Variants in CFLAR observed in about 807,000 individuals in gnomAD.
CFLAR encodes CASP8 and FADD like apoptosis regulator, also known as CASP8 and FADD-like apoptosis regulator.
In CFLAR, 14 loss-of-function variants were observed where a neutral mutation model predicts 51.1. The observed-to-expected ratio is 0.27, with a 90% CI of 0.18 to 0.43. The LOEUF (loss-of-function observed/expected upper bound fraction) is 0.43. Ranked by LOEUF, CFLAR falls within the 20% of genes least tolerant of loss-of-function variation. CFLAR has a pLI of 1.00. For missense variants in CFLAR, 390 were observed against 566.5 expected (o/e 0.69, Z 3.16); for synonymous variants, 210 against 211.6 (o/e 0.99, Z 0.06).
At chr2:201,157,770 C>G (rs1221718026) in intron 8 of CFLAR, 1 of 152,224 alleles carries the variant, frequency 6.6e-6, no homozygotes, top group Non-Finnish European at 1.5e-5. Context: ...TGATCCTGTA[C>G]GTTAGACTGG....
At chr2:201,144,666 G>A (rs1009001067) in intron 5 of CFLAR, among the ~76,000 whole-genome samples, 1 of 152,092 alleles carries the variant, frequency 6.6e-6, no homozygotes, top group Non-Finnish European at 1.5e-5. Flanking sequence ...CTAGAAATCC[G>A]ACTCTTAACC....
chr2:201,132,426 G>GAA (rs561568592), intron 2 of CFLAR, among the ~76,000 whole-genome samples: 94 of 137,968 alleles, frequency 6.8e-4, no homozygotes, highest in African/African-American at 2.2e-3. Flanking sequence ...CCTAGGGGGG[G>GAA]AAAAATATAT....
In CFLAR at chr2:201,116,592, C is replaced by CCCCGCGT. The variant is rs2047606455; in HGVS notation, c.-138+115_-138+121dup. The CCCCGCGT allele has an allele frequency of 6.5e-6, 1 of 153,398 alleles. No individual in the cohort carries two copies. The highest frequency in any genetic ancestry group is 2.1e-4 in the South Asian group (1 of 4,860). 9.5% of individuals were successfully genotyped at this position (153,398 alleles called of 1,614,324 possible). ...TTGCAGCAGGCCCTGCGCCGCCGCG[C>CCCCGCGT]CCCGCGTCCCACCCCGCGCCGCTCC... On this transcript the variant is annotated intron_variant, in intron 1 of 9. Coordinates refer to ENST00000309955, the MANE Select transcript of CFLAR (RefSeq NM_003879.7). The surrounding 1 kb of genome is among the most constrained non-coding windows in gnomAD (Gnocchi z 4.8).
chr2:201,159,244 C>CTT (rs1336089539), intron 8 of CFLAR, among the ~76,000 whole-genome samples: 1 of 151,956 alleles, frequency 6.6e-6, no homozygotes, highest in Non-Finnish European at 1.5e-5. Context: ...GTTAATGATG[C>CTT]TTATTGATTA....
rs2047846574 is a variant in CFLAR, at chr2:201,118,576, G to A, written c.-138+2095G>A. 6.6e-6 allele frequency: 1 copy of A among 152,368 alleles called. No individual in the cohort carries two copies. Among genetic ancestry groups the A allele is most frequent in the African/African-American group, 2.4e-5 (1 of 41,458 alleles). The allele number at this position is 152,368 out of a possible 1,614,324, so 9.4% of individuals were successfully genotyped here. On this transcript the variant is annotated intron_variant, in intron 1 of 9. Coordinates refer to ENST00000309955, the MANE Select transcript of CFLAR (RefSeq NM_003879.7). This position sits in a 1 kb window ranked among gnomAD's most constrained non-coding sequence, Gnocchi z 5.1. Reference sequence around the variant, plus strand: ...CGCATGGAGAATTTTACCACCCAGAGACACGCGAGTGGCCCTGTGCAAGTT... The same window carrying A: ...CGCATGGAGAATTTTACCACCCAGAAACACGCGAGTGGCCCTGTGCAAGTT...
chr2:201,166,481 G>A lies in CFLAR; in HGVS notation c.*2508G>A, dbSNP rs9277311. The A allele has an allele frequency of 0.46, 78,048 of 168,064 alleles. 18,632 individuals are homozygous for A. Among genetic ancestry groups the A allele is most frequent in the Non-Finnish European group, 0.51 (39,874 of 77,976 alleles). The allele number at this position is 168,064 out of a possible 1,614,324, so 10.4% of individuals were successfully genotyped here. A position where few individuals can be genotyped will look rare whatever the true frequency, so the allele number is the denominator to read the frequency against. ...CAGAGAAGCTCCTCACATCCCAGACGGGGGGGCGGGGCAGAGGCGCTCCCC... is the reference window on the plus strand; with the variant it reads ...CAGAGAAGCTCCTCACATCCCAGACAGGGGGGCGGGGCAGAGGCGCTCCCC... On this transcript the variant is annotated 3_prime_UTR_variant, in exon 10 of 10. Coordinates refer to ENST00000309955, the MANE Select transcript of CFLAR (RefSeq NM_003879.7).
In CFLAR at chr2:201,138,545, G is replaced by A. The variant is rs2050468344; in HGVS notation, c.524-1812G>A. 2 of 1,584,192 alleles carry A rather than the reference G, an allele frequency of 1.3e-6. No homozygotes were observed. Among genetic ancestry groups the A allele is most frequent in the African/African-American group, 1.3e-5 (1 of 74,520 alleles). ...TCATCACCTCACTGAGGAGGGTGGT[G>A]TGGTCCTTCTCAGCAAGAAAGTCGA... On this transcript the variant is annotated intron_variant, in intron 4 of 9. Coordinates refer to ENST00000309955, the MANE Select transcript of CFLAR (RefSeq NM_003879.7). This position sits in a 1 kb window ranked among gnomAD's most constrained non-coding sequence, Gnocchi z 4.0.
rs748074522 is a variant in CFLAR at position 201,175,017 on chromosome 2, C to T, written c.*11044C>T. The T allele has an allele frequency of 5.9e-5, 9 of 152,228 alleles. No homozygotes were observed. Among genetic ancestry groups the T allele is most frequent in the Non-Finnish European group, 1.0e-4 (7 of 68,038 alleles). 9.4% of individuals were successfully genotyped at this position (152,228 alleles called of 1,614,324 possible). On this transcript the variant is annotated 3_prime_UTR_variant, in exon 10 of 10. Coordinates refer to ENST00000309955, the MANE Select transcript of CFLAR (RefSeq NM_003879.7). ...TCTACAGCACCATGATAGTTTACAA[C>T]TGCCATAGCAACTTTCAGAAGTTAC...
intron 1 of CFLAR, among the ~76,000 whole-genome samples, chr2:201,117,326 T>G (rs1177324922): frequency 2.0e-5 from 3 of 152,178 alleles, no homozygotes; most frequent in Non-Finnish European, 4.4e-5. Context: ...GGCTTCAAGA[T>G]GTTCTTGCTT....
rs1943669246 is a variant in CFLAR at position 201,167,024 on chromosome 2, C to T, written c.*3051C>T. ...TTTTAAAATTGCTGAACAGGGGTAC[C>T]TCTGGGCAGTGTGTCAGAATACCAC... On this transcript the variant is annotated 3_prime_UTR_variant, in exon 10 of 10. Coordinates refer to ENST00000309955, the MANE Select transcript of CFLAR (RefSeq NM_003879.7). The T allele has an allele frequency of 6.6e-6, 1 of 152,072 alleles. No homozygotes were observed. Among genetic ancestry groups the T allele is most frequent in the South Asian group, 2.1e-4 (1 of 4,822 alleles). 9.4% of individuals were successfully genotyped at this position (152,072 alleles called of 1,614,324 possible).
Position 201,172,177 on chromosome 2 carries a change from G to A in CFLAR, c.*8204G>A, listed in dbSNP as rs1471933609. 6.6e-6 allele frequency: 1 copy of A among 152,172 alleles called. No individual in the cohort carries two copies. Among genetic ancestry groups the A allele is most frequent in the African/African-American group, 2.4e-5 (1 of 41,436 alleles). 9.4% of individuals were successfully genotyped at this position (152,172 alleles called of 1,614,324 possible). A position where few individuals can be genotyped will look rare whatever the true frequency, so the allele number is the denominator to read the frequency against. On this transcript the variant is annotated 3_prime_UTR_variant, in exon 10 of 10. Transcript: ENST00000309955. ...ATCTCTCCTAAACACTTTACCTGAT[G>A]AAGAGCCTGGCATACACATAAATAT...
chr2:201,159,722 A>G (rs1458052618), intron 8 of CFLAR, among the ~76,000 whole-genome samples: 2 of 152,258 alleles, frequency 1.3e-5, no homozygotes, highest in Non-Finnish European at 2.9e-5. Context: ...TATTTACCTA[A>G]AAATGTATAC....
rs1347182444 is a variant in CFLAR, at chr2:201,174,599, T to G, written c.*10626T>G. ...GGCCTTGCTATGTTGCCCAGGCTGG[T>G]CTCAAACTCCTGGCCTCAAACAATC... On this transcript the variant is annotated 3_prime_UTR_variant, in exon 10 of 10. Coordinates refer to ENST00000309955, the MANE Select transcript of CFLAR (RefSeq NM_003879.7). 6.6e-6 allele frequency: 1 copy of G among 152,206 alleles called. No individual in the cohort carries two copies. The highest frequency in any genetic ancestry group is 1.5e-5 in the Non-Finnish European group (1 of 68,078). 9.4% of individuals were successfully genotyped at this position (152,206 alleles called of 1,614,324 possible). A position where few individuals can be genotyped will look rare whatever the true frequency, so the allele number is the denominator to read the frequency against.
rs1356257595 is a variant in CFLAR, at chr2:201,116,318, G to A, written c.-301G>A. The A allele has an allele frequency of 6.6e-6, 1 of 152,312 alleles. No homozygotes were observed. The allele number at this position is 152,312 out of a possible 1,614,324, so 9.4% of individuals were successfully genotyped here. ...TGACAGCTGAGACAACAAGGACCAC[G>A]GGAGGAGGTGTAGGAGAGAAGCGCC... On this transcript the variant is annotated 5_prime_UTR_variant, in exon 1 of 10. Coordinates refer to ENST00000309955, the MANE Select transcript of CFLAR (RefSeq NM_003879.7). This position sits in a 1 kb window ranked among gnomAD's most constrained non-coding sequence, Gnocchi z 4.8.
intron 5 of CFLAR, among the ~76,000 whole-genome samples, chr2:201,144,731 C>T (rs753711739): frequency 5.9e-5 from 9 of 152,316 alleles, no homozygotes; most frequent in Admixed American, 2.6e-4. Flanking sequence ...ATCTCATGTT[C>T]CAACAGCTTA....
At chr2:201,160,347 G>A (rs2125926614) in intron 8 of CFLAR, 85 bp from the exon 9 acceptor site, 3 of 1,387,156 alleles carry the variant, frequency 2.2e-6, no homozygotes, top group Admixed American at 2.0e-5. Flanking sequence ...ATGGAGATTA[G>A]ACCATGTCTA....
intron 6 of CFLAR, 170 bp downstream of exon 6, chr2:201,145,602 T>C: frequency 1.7e-6 from 1 of 576,224 alleles, no homozygotes; most frequent in East Asian, 2.9e-5. Flanking sequence ...TCTAGTTGTC[T>C]ATTGAATTAG....
chr2:201,141,496 T>A, intron 5 of CFLAR: 1 of 1,521,924 alleles, frequency 6.6e-7, no homozygotes, highest in Non-Finnish European at 8.8e-7. Context: ...TTTCTAAATG[T>A]GTTATAATGT....
chr2:201,154,541 TTATC>T (rs1163909401), intron 8 of CFLAR: 3 of 152,202 alleles, frequency 2.0e-5, no homozygotes, highest in East Asian at 1.9e-4. Flanking sequence ...GTGAGGGAGT[TTATC>T]TATCTCCTAC....
Sources: gnomAD v4.1 joint callset for allele counts (sites outside exome capture counted in the v4.1 genomes callset) on GRCh38, gnomAD v4.1.1 for gene constraint, Gnocchi (gnomAD v3.1) non-coding constraint, MANE v1.5 for transcripts, NCBI Gene and HGNC (gene_info 2026-07-23, HGNC 2026-07-21) for gene names.